TAFA1: variants seen among roughly 807,000 people sequenced by gnomAD.
TAFA1 encodes the protein chemokine-like protein TAFA-1.
In TAFA1, 4 loss-of-function variants were observed where a neutral mutation model predicts 18.5. That is an observed-to-expected ratio of 0.22 (90% confidence interval 0.11 to 0.49). The LOEUF is 0.49. Among genes scored for constraint, TAFA1 ranks in the 20% least tolerant of loss-of-function variants. The pLI is 0.98. For missense variants in TAFA1, 147 were observed against 169.0 expected (o/e 0.87, Z 0.72); for synonymous variants, 56 against 55.2 (o/e 1.01, Z -0.06).
chr3:68,016,224 GA>G (rs1704567219), intron 2 of TAFA1, among the ~76,000 whole-genome samples: 1 of 152,134 alleles, frequency 6.6e-6, no homozygotes, highest in African/African-American at 2.4e-5. Flanking sequence ...TTGTGGTTCA[GA>G]AAATATTTTA....
intron 2 of TAFA1, among the ~76,000 whole-genome samples, chr3:68,305,322 T>C (rs1376147831): frequency 2.0e-5 from 3 of 149,152 alleles, no homozygotes; most frequent in African/African-American, 4.9e-5. Context: ...ATTATATTTT[T>C]AATAACACTA....
intron 2 of TAFA1, among the ~76,000 whole-genome samples, chr3:68,077,405 A>C: frequency 7.7e-6 from 1 of 129,516 alleles, no homozygotes; most frequent in East Asian, 2.2e-4. Flanking sequence ...CTGAATGGTA[A>C]TGCCTAGGTT....
At chr3:68,058,904 T>G (rs2064567454) in intron 2 of TAFA1, among the ~76,000 whole-genome samples, 2 of 152,144 alleles carry the variant, frequency 1.3e-5, no homozygotes, top group South Asian at 4.1e-4. Flanking sequence ...AAAAAAGGGT[T>G]GTAAATTGGG....
chr3:68,159,290 G>A (rs770334856), intron 2 of TAFA1, among the ~76,000 whole-genome samples: 1 of 152,120 alleles, frequency 6.6e-6, no homozygotes, highest in Non-Finnish European at 1.5e-5. Flanking sequence ...AAATGCCTGA[G>A]TTGTTTCTTT....
intron 3 of TAFA1, among the ~76,000 whole-genome samples, chr3:68,487,936 T>C (rs1486550994): frequency 6.6e-6 from 1 of 152,136 alleles, no homozygotes; most frequent in African/African-American, 2.4e-5. Flanking sequence ...AAGAAGCCGC[T>C]ACGTGATCTG....
chr3:68,342,159 G>C (rs1270554811), intron 2 of TAFA1, among the ~76,000 whole-genome samples: 1 of 152,128 alleles, frequency 6.6e-6, no homozygotes, highest in Admixed American at 6.6e-5. Flanking sequence ...ATAAGATAAA[G>C]GGAATAAACT....
chr3:68,528,195 G>T (rs1389654309), intron 3 of TAFA1, among the ~76,000 whole-genome samples: 1 of 152,160 alleles, frequency 6.6e-6, no homozygotes, highest in African/African-American at 2.4e-5. Context: ...CACATGCTGA[G>T]TATAAAGTTT....
At chr3:68,492,554 A>C (rs2072472549) in intron 3 of TAFA1, among the ~76,000 whole-genome samples, 1 of 152,178 alleles carries the variant, frequency 6.6e-6, no homozygotes, top group African/African-American at 2.4e-5. Flanking sequence ...GTGCTTGCCC[A>C]ACTTCTCTGT....
chr3:68,102,325 G>T (rs1016384218), intron 2 of TAFA1, among the ~76,000 whole-genome samples: 1 of 152,044 alleles, frequency 6.6e-6, no homozygotes, highest in Non-Finnish European at 1.5e-5. Context: ...GATTTAAAAG[G>T]CTACTTTTTT....
chr3:68,390,691 G>C (rs2070220043), intron 2 of TAFA1, among the ~76,000 whole-genome samples: 1 of 152,222 alleles, frequency 6.6e-6, no homozygotes. Flanking sequence ...TGCAACCTCT[G>C]CTGGTGATAC....
At chr3:68,421,215 G>A (rs2070949361) in intron 3 of TAFA1, among the ~76,000 whole-genome samples, 2 of 152,086 alleles carry the variant, frequency 1.3e-5, no homozygotes, top group South Asian at 4.1e-4. Flanking sequence ...TCGACTTTGG[G>A]AACTCTGAAC....
intron 2 of TAFA1, among the ~76,000 whole-genome samples, chr3:68,146,359 G>A (rs540853028): frequency 1.4e-4 from 21 of 152,184 alleles, no homozygotes; most frequent in Admixed American, 6.5e-4. Flanking sequence ...TTTAGATGCC[G>A]TCTTTCTCCT....
At chr3:68,129,801 C>T (rs974502887) in intron 2 of TAFA1, among the ~76,000 whole-genome samples, 1 of 152,046 alleles carries the variant, frequency 6.6e-6, no homozygotes, top group African/African-American at 2.4e-5. Context: ...GAATCGTAAC[C>T]ACATGGCCTG....
At chr3:68,172,402 A>G (rs922552541) in intron 2 of TAFA1, among the ~76,000 whole-genome samples, 1 of 152,172 alleles carries the variant, frequency 6.6e-6, no homozygotes, top group Non-Finnish European at 1.5e-5. Context: ...ACTGTTGATA[A>G]GGATGGAGAG....
intron 2 of TAFA1, among the ~76,000 whole-genome samples, chr3:68,097,217 T>A: frequency 6.6e-6 from 1 of 152,160 alleles, no homozygotes; most frequent in East Asian, 1.9e-4. Context: ...TTCACTTGAT[T>A]GTAATTACAG....
chr3:68,288,906 C>G (rs1177850842), intron 2 of TAFA1, among the ~76,000 whole-genome samples: 1 of 152,160 alleles, frequency 6.6e-6, no homozygotes, highest in African/African-American at 2.4e-5. Context: ...AAATGACTAG[C>G]TTTGTGAAGA....
intron 2 of TAFA1, among the ~76,000 whole-genome samples, chr3:68,399,367 AT>A (rs2106740751): frequency 6.6e-6 from 1 of 152,208 alleles, no homozygotes; most frequent in South Asian, 2.1e-4. Flanking sequence ...CAATTATTTC[AT>A]TTCTCTGTTA....
chr3:68,266,942 C>A (rs916465565), intron 2 of TAFA1, among the ~76,000 whole-genome samples: 1 of 95,192 alleles, frequency 1.1e-5, no homozygotes, highest in East Asian at 1.0e-3. Flanking sequence ...AGCAAAAGAA[C>A]CTTCGGTGGA....
At chr3:68,214,812 G>T (rs1481958657) in intron 2 of TAFA1, among the ~76,000 whole-genome samples, 4 of 151,932 alleles carry the variant, frequency 2.6e-5, no homozygotes, top group East Asian at 1.9e-4. Context: ...TACATTCAAA[G>T]GAGAATTTAT....
Sources: allele counts gnomAD v4.1 joint callset (sites outside exome capture counted in the v4.1 genomes callset), GRCh38; gene constraint gnomAD v4.1.1; transcripts MANE v1.5; gene names NCBI Gene and HGNC (gene_info 2026-07-23, HGNC 2026-07-21).